The following FGF12 variants were observed in gnomAD, a reference collection of about 807,000 sequenced individuals.
The protein encoded by FGF12 is fibroblast growth factor 12B.
A neutral mutation model predicts 23.6 loss-of-function variants in FGF12; 14 were observed. That is an observed-to-expected ratio of 0.59 (90% CI 0.39 to 0.93). FGF12 has a LOEUF of 0.93. Among genes scored for constraint, FGF12 ranks in the 40% least tolerant of loss-of-function variants. The pLI is 0.00. For synonymous variants in FGF12, 62 were observed against 77.3 expected (o/e 0.80, Z 1.04); for missense variants, 175 against 217.8 (o/e 0.80, Z 1.24).
chr3:192,691,166 T>C (rs1280416834), intron 2 of FGF12, among the ~76,000 whole-genome samples: 1 of 152,126 alleles, frequency 6.6e-6, no homozygotes, highest in Non-Finnish European at 1.5e-5. Context: ...AGACTTGAAT[T>C]ACTCTTCAGT....
At chr3:192,271,549 C>CCT (rs1713437972) in intron 4 of FGF12, among the ~76,000 whole-genome samples, 1 of 152,200 alleles carries the variant, frequency 6.6e-6, no homozygotes, top group Admixed American at 6.6e-5. Context: ...CCATTTCCCA[C>CCT]CTACCTGCCT....
intron 4 of FGF12, among the ~76,000 whole-genome samples, chr3:192,310,806 G>C (rs1715893361): frequency 6.6e-6 from 1 of 152,048 alleles, no homozygotes; most frequent in Admixed American, 6.5e-5. Context: ...CTCTTAATCA[G>C]GAAAACTCTT....
At chr3:192,606,099 T>C (rs1421461118) in intron 2 of FGF12, among the ~76,000 whole-genome samples, 1 of 152,156 alleles carries the variant, frequency 6.6e-6, no homozygotes, top group Non-Finnish European at 1.5e-5. Context: ...CTATTCACAA[T>C]AGCAAACACA....
In FGF12 at chr3:192,418,770, T is replaced by A. The variant is rs78863302; in HGVS notation, c.14-58232A>T. ...AGCCATGTAAGATGTGACTCCTTCC[T>A]CTTTGCCTTACACCATGATCTTAAG... On this transcript the variant is annotated intron_variant, in intron 2 of 5. Transcript: ENST00000445105. Among the ~76,000 whole-genome samples, 639 of 152,306 alleles carry A rather than the reference T, an allele frequency of 4.2e-3. 9 individuals carry two copies. In the East Asian group the frequency reaches 0.049, roughly 12 times the overall value.
chr3:192,624,506 T>C (rs999225779), intron 2 of FGF12, among the ~76,000 whole-genome samples: 4 of 152,056 alleles, frequency 2.6e-5, no homozygotes, highest in East Asian at 1.9e-4. Context: ...TATTTAGGTG[T>C]TCATTTATAT....
chr3:192,405,520 A>G (rs1479933685), intron 2 of FGF12, among the ~76,000 whole-genome samples: 1 of 151,220 alleles, frequency 6.6e-6, no homozygotes, highest in East Asian at 1.9e-4. Context: ...TATCAGGACA[A>G]ATTATTCCAC....
In FGF12 at chr3:192,170,556, G is replaced by C. The variant is rs775436746; in HGVS notation, c.329C>G (p.Ala110Gly). The C allele has an allele frequency of 6.2e-7, 1 of 1,613,810 alleles. No homozygotes were observed. Among genetic ancestry groups the C allele is most frequent in the Admixed American group, 1.7e-5 (1 of 59,962 alleles). Residue 110 changes from alanine to glycine, a missense_variant, in exon 5 of 6, where the codon GCT becomes GGT. Ala to Gly is a moderately conservative substitution (Grantham distance 60, BLOSUM62 0). Transcript: ENST00000445105. ...TTCTTTATTGAGTCCCAGAAACCAA[G>C]CTCGGCCTGATTCTTGCTGGCGGTA... ...TLYRQQESGR[A>G]WFLGLNKEGQ...
At chr3:192,644,524 T>C (rs1001694594) in intron 2 of FGF12, among the ~76,000 whole-genome samples, 7 of 152,190 alleles carry the variant, frequency 4.6e-5, no homozygotes, top group Non-Finnish European at 4.4e-5. Context: ...ATTCAACAAA[T>C]GTTACCAAAT....
intron 2 of FGF12, among the ~76,000 whole-genome samples, chr3:192,681,925 A>C (rs1717544502): frequency 6.6e-6 from 1 of 152,188 alleles, no homozygotes; most frequent in African/African-American, 2.4e-5. Context: ...AAACACACAT[A>C]CAATGTTTCA....
intron 4 of FGF12, among the ~76,000 whole-genome samples, chr3:192,292,228 C>T (rs879232522): frequency 2.0e-5 from 3 of 152,066 alleles, no homozygotes; most frequent in East Asian, 3.8e-4. Flanking sequence ...TGACAAATCA[C>T]GTGGTTTCTT....
chr3:192,577,073 G>C (rs1434846462), intron 2 of FGF12, among the ~76,000 whole-genome samples: 2 of 152,140 alleles, frequency 1.3e-5, no homozygotes, highest in Non-Finnish European at 2.9e-5. Context: ...GGGACTAGGG[G>C]AGGGATAGCA....
intron 2 of FGF12, among the ~76,000 whole-genome samples, chr3:192,431,740 T>C (rs1384967698): frequency 6.6e-6 from 1 of 152,198 alleles, no homozygotes; most frequent in Non-Finnish European, 1.5e-5. Flanking sequence ...TATGTAAGCT[T>C]TCTATTATCT....
chr3:192,484,315 T>TAAAAAAA (rs57914760), intron 2 of FGF12, among the ~76,000 whole-genome samples: 2 of 99,668 alleles, frequency 2.0e-5, no homozygotes, highest in African/African-American at 3.0e-5. Flanking sequence ...TCCATTTTCC[T>TAAAAAAA]AAAAAAAAAA....
At chr3:192,541,379 C>T (rs1725360039) in intron 2 of FGF12, among the ~76,000 whole-genome samples, 1 of 152,024 alleles carries the variant, frequency 6.6e-6, no homozygotes, top group African/African-American at 2.4e-5. Flanking sequence ...AAATTAACAC[C>T]TATTGCATAA....
At chr3:192,308,691 A>AG (rs1715783079) in intron 4 of FGF12, among the ~76,000 whole-genome samples, 1 of 152,012 alleles carries the variant, frequency 6.6e-6, no homozygotes, top group African/African-American at 2.4e-5. Flanking sequence ...AAAAAAAAAA[A>AG]AGAAATTAAT....
At chr3:192,259,839 C>T (rs1003139428) in intron 4 of FGF12, among the ~76,000 whole-genome samples, 2 of 151,894 alleles carry the variant, frequency 1.3e-5, no homozygotes, top group East Asian at 3.9e-4. Flanking sequence ...TGAAAATAAA[C>T]GAGGTGTGAG....
intron 2 of FGF12, among the ~76,000 whole-genome samples, chr3:192,633,281 AG>A (rs1185338763): frequency 6.6e-6 from 1 of 152,002 alleles, no homozygotes; most frequent in Non-Finnish European, 1.5e-5. Flanking sequence ...CCTGACCTCA[AG>A]TGATCCGCCT....
intron 2 of FGF12, among the ~76,000 whole-genome samples, chr3:192,572,496 A>G (rs1308636580): frequency 6.6e-6 from 1 of 152,250 alleles, no homozygotes; most frequent in Non-Finnish European, 1.5e-5. Flanking sequence ...GTGCTATATA[A>G]GGGCAACATA....
intron 4 of FGF12, among the ~76,000 whole-genome samples, chr3:192,231,803 C>T (rs569236418): frequency 1.3e-5 from 2 of 151,720 alleles, no homozygotes; most frequent in South Asian, 2.1e-4. Context: ...TTAGTTACTA[C>T]GTTCAATAGG....
Sources: allele counts gnomAD v4.1 joint callset (sites outside exome capture counted in the v4.1 genomes callset), GRCh38; gene constraint gnomAD v4.1.1; transcripts MANE v1.5; gene names NCBI Gene and HGNC (gene_info 2026-07-23, HGNC 2026-07-21).